MIR2052HG: variants seen among roughly 807,000 people sequenced by gnomAD.
The protein encoded by MIR2052HG is MIR2052 host gene.
chr8:74,619,963 TA>T (rs1387441623), intron 2 of MIR2052HG, among the ~76,000 whole-genome samples: 1 of 152,156 alleles, frequency 6.6e-6, no homozygotes, highest in African/African-American at 2.4e-5. Flanking sequence ...TATGAGCCTG[TA>T]AAATCAAAAG....
At chr8:74,614,181 G>A (rs1005898406) in intron 2 of MIR2052HG, among the ~76,000 whole-genome samples, 2 of 152,172 alleles carry the variant, frequency 1.3e-5, no homozygotes, top group Admixed American at 6.5e-5. Context: ...TCTAAGAGTT[G>A]AATATTATTG....
At chr8:74,652,914 G>C (rs1808768039) in intron 2 of MIR2052HG, among the ~76,000 whole-genome samples, 2 of 152,150 alleles carry the variant, frequency 1.3e-5, no homozygotes, top group South Asian at 4.1e-4. Context: ...GCTCCTGAGT[G>C]ATTGGCTGCT....
intron 4 of MIR2052HG, among the ~76,000 whole-genome samples, chr8:74,738,294 A>G (rs1199505039): frequency 6.6e-6 from 1 of 152,060 alleles, no homozygotes; most frequent in East Asian, 1.9e-4. Context: ...CTGTTCATCA[A>G]TCTCAGTGTG....
intron 2 of MIR2052HG, among the ~76,000 whole-genome samples, chr8:74,699,000 T>C (rs1809330597): frequency 6.6e-6 from 1 of 152,016 alleles, no homozygotes; most frequent in Admixed American, 6.6e-5. Context: ...AACAAACATA[T>C]GAAAGAATGG....
chr8:74,744,315 TTTTA>T (rs913929092), intron 4 of MIR2052HG, among the ~76,000 whole-genome samples: 9 of 151,740 alleles, frequency 5.9e-5, no homozygotes, highest in Admixed American at 2.0e-4. Context: ...GTCTCACTAT[TTTTA>T]TTTATTTATT....
At chr8:74,721,613 CAGA>C (rs1182432396) in intron 4 of MIR2052HG, among the ~76,000 whole-genome samples, 1 of 152,156 alleles carries the variant, frequency 6.6e-6, no homozygotes, top group African/African-American at 2.4e-5. Context: ...CCTCTTTCTC[CAGA>C]AGAATAGCCT....
At chr8:74,611,061 A>G (rs1420484137) in intron 1 of MIR2052HG, among the ~76,000 whole-genome samples, 1 of 152,084 alleles carries the variant, frequency 6.6e-6, no homozygotes, top group African/African-American at 2.4e-5. Flanking sequence ...AGTCTGCTAG[A>G]AAATATTTGC....
intron 2 of MIR2052HG, among the ~76,000 whole-genome samples, chr8:74,647,734 C>T (rs1273049106): frequency 1.3e-5 from 2 of 152,160 alleles, no homozygotes; most frequent in African/African-American, 2.4e-5. Context: ...GGCAGAAGAA[C>T]ATGAATTGTG....
chr8:74,719,855 T>C (rs1184205315), intron 4 of MIR2052HG, among the ~76,000 whole-genome samples: 2 of 134,280 alleles, frequency 1.5e-5, no homozygotes, highest in Non-Finnish European at 3.1e-5. Flanking sequence ...TTTTCTTTTT[T>C]TTTTTTTTTT....
At chr8:74,695,964 A>G (rs889480384) in intron 2 of MIR2052HG, among the ~76,000 whole-genome samples, 1 of 152,184 alleles carries the variant, frequency 6.6e-6, no homozygotes, top group Admixed American at 6.5e-5. Flanking sequence ...ATACCCTAGA[A>G]CAAATTAACT....
At chr8:74,708,872 T>C (rs1809436983) in intron 4 of MIR2052HG, among the ~76,000 whole-genome samples, 1 of 151,920 alleles carries the variant, frequency 6.6e-6, no homozygotes, top group African/African-American at 2.4e-5. Flanking sequence ...ATTTTAAAAG[T>C]GCATGGCATA....
chr8:74,746,177 G>C (rs1206438872), intron 4 of MIR2052HG, among the ~76,000 whole-genome samples: 2 of 152,142 alleles, frequency 1.3e-5, no homozygotes, highest in African/African-American at 4.8e-5. Context: ...CGACCTTTAT[G>C]TCAAACATTG....
intron 4 of MIR2052HG, among the ~76,000 whole-genome samples, chr8:74,736,200 CTCTT>C (rs1318756684): frequency 1.3e-5 from 2 of 152,134 alleles, no homozygotes; most frequent in Non-Finnish European, 2.9e-5. Context: ...CTCCTTTGGT[CTCTT>C]TCTTTTTCCA....
chr8:74,746,705 GAGA>G (rs1257490400), intron 4 of MIR2052HG, among the ~76,000 whole-genome samples: 1 of 151,622 alleles, frequency 6.6e-6, no homozygotes, highest in Non-Finnish European at 1.5e-5. Context: ...AGAGAAGAGA[GAGA>G]AGATGGAGGA....
At chr8:74,757,486 T>TA (rs1810016471) in intron 5 of MIR2052HG, 1 of 152,260 alleles carries the variant, frequency 6.6e-6, no homozygotes, top group Admixed American at 6.5e-5. Context: ...GTAATAATGA[T>TA]AATTGCTAAG....
At chr8:74,621,989 G>A (rs1808367878) in intron 2 of MIR2052HG, among the ~76,000 whole-genome samples, 1 of 152,104 alleles carries the variant, frequency 6.6e-6, no homozygotes, top group East Asian at 1.9e-4. Flanking sequence ...CACTGGTCTG[G>A]GTAATGATTT....
At chr8:74,690,106 C>A (rs970245507) in intron 2 of MIR2052HG, among the ~76,000 whole-genome samples, 10 of 152,284 alleles carry the variant, frequency 6.6e-5, no homozygotes, top group Admixed American at 6.5e-5. Context: ...AAAAATGAAG[C>A]CATCATCCTA....
At chr8:74,628,935 T>G (rs1434493952) in intron 2 of MIR2052HG, 2 of 152,022 alleles carry the variant, frequency 1.3e-5, no homozygotes, top group African/African-American at 4.8e-5. Context: ...AGACAGGAGC[T>G]CCATGGTTTT....
At chr8:74,603,049 A>C (rs1808047018) in intron 1 of MIR2052HG, among the ~76,000 whole-genome samples, 1 of 151,594 alleles carries the variant, frequency 6.6e-6, no homozygotes, top group African/African-American at 2.4e-5. Context: ...CAAAAAAAAA[A>C]AAAAAAATCC....
Sources: gnomAD v4.1 joint callset for allele counts (sites outside exome capture counted in the v4.1 genomes callset) on GRCh38, gnomAD v4.1.1 for gene constraint, MANE v1.5 for transcripts, NCBI Gene and HGNC (gene_info 2026-07-23, HGNC 2026-07-21) for gene names.